ATP8A1: variants seen among roughly 807,000 people sequenced by gnomAD.
ATP8A1 encodes the protein phospholipid-transporting ATPase IA.
In ATP8A1, 90 loss-of-function variants were observed where a neutral mutation model predicts 177.7. The ratio of observed to expected loss-of-function variants is 0.51; its 90% CI spans 0.43 to 0.60. The LOEUF is 0.60. ATP8A1 is among the 20% of genes least tolerant of loss of function. ATP8A1 has a pLI of 0.00. For missense variants in ATP8A1, 1,072 were observed against 1,392.8 expected, an observed-to-expected ratio of 0.77 and a Z score of 3.67; for synonymous variants, 493 against 485.9, an observed-to-expected ratio of 1.01 and a Z score of -0.19.
At chr4:42,427,367 A>C (rs1006850994) in intron 33 of ATP8A1, among the ~76,000 whole-genome samples, 1 of 152,250 alleles carries the variant, frequency 6.6e-6, no homozygotes, top group African/African-American at 2.4e-5. Context: ...AGACCTGGAA[A>C]GGTATTCATA....
At chr4:42,606,719 T>C (rs185712846) in intron 5 of ATP8A1, among the ~76,000 whole-genome samples, 7 of 152,248 alleles carry the variant, frequency 4.6e-5, no homozygotes, top group Admixed American at 3.9e-4. Flanking sequence ...ATTCTCCCCC[T>C]GGTGCAAATT....
chr4:42,525,932 T>G (rs115074645), intron 20 of ATP8A1, among the ~76,000 whole-genome samples: 1,530 of 152,132 alleles, frequency 0.01, 24 homozygotes, highest in African/African-American at 0.035. Context: ...GAATGGGAAG[T>G]GGGGGGCAAA....
intron 35 of ATP8A1, among the ~76,000 whole-genome samples, chr4:42,421,760 A>G (rs1450643652): frequency 1.3e-5 from 2 of 152,154 alleles, no homozygotes; most frequent in Non-Finnish European, 2.9e-5. Flanking sequence ...CTAGGGTAAA[A>G]TATTTCCTAT....
chr4:42,519,376 G>A lies in ATP8A1; in HGVS notation c.1947+2784C>T, dbSNP rs1004348618. ...CCCAAAATACTGGGATTACAGGTGT[G>A]AGCCATCACATCTGTTCTATTTTGT... On this transcript the variant is annotated intron_variant, in intron 22 of 36. Coordinates refer to ENST00000381668, the MANE Select transcript of ATP8A1 (RefSeq NM_006095.2). Among the ~76,000 whole-genome samples the A allele has an allele frequency of 5.3e-5, 8 of 152,302 alleles. No homozygotes were observed. The East Asian group carries it at 1.3e-3, about 26-fold the overall frequency.
intron 6 of ATP8A1, chr4:42,594,293 A>G (rs765569929): frequency 6.3e-7 from 1 of 1,589,210 alleles, no homozygotes; most frequent in Non-Finnish European, 8.6e-7. Flanking sequence ...CTCTACCTTG[A>G]TGAGAGAAGT....
chr4:42,493,187 T>C (rs911633181), intron 24 of ATP8A1, among the ~76,000 whole-genome samples: 2 of 152,118 alleles, frequency 1.3e-5, no homozygotes, highest in Non-Finnish European at 2.9e-5. Context: ...CTGATAACAT[T>C]TGAAAATAAA....
At chr4:42,435,459 A>AAAC (rs1553871717) in intron 33 of ATP8A1, among the ~76,000 whole-genome samples, 1 of 103,282 alleles carries the variant, frequency 9.7e-6, no homozygotes. Context: ...ACAAAAAAAA[A>AAAC]AAAACAAACT....
chr4:42,589,547 G>A (rs1002254237), intron 7 of ATP8A1, among the ~76,000 whole-genome samples: 1 of 152,032 alleles, frequency 6.6e-6, no homozygotes, highest in Non-Finnish European at 1.5e-5. Context: ...AGCTCTGCAG[G>A]TTCTTCAATT....
At chr4:42,465,775 G>A (rs1232296994) in intron 25 of ATP8A1, among the ~76,000 whole-genome samples, 2 of 152,148 alleles carry the variant, frequency 1.3e-5, no homozygotes, top group African/African-American at 4.8e-5. Flanking sequence ...GCTCATGCCT[G>A]TAATCCCAGC....
Position 42,594,341 on chromosome 4 carries a change from T to C in ATP8A1, c.451-3457A>G, listed in dbSNP as rs767740045. The C allele has an allele frequency of 3.1e-6, 5 of 1,597,182 alleles. 1 individual carries two copies. The South Asian group carries it at 5.5e-5, about 18-fold the overall frequency. On this transcript the variant is annotated intron_variant, in intron 6 of 36. Coordinates refer to ENST00000381668, the MANE Select transcript of ATP8A1 (RefSeq NM_006095.2). ...GGTATATACTCTTTGCCTTTTATTA[T>C]AACTATATCTCCAACATTTACCTGA...
At chr4:42,562,855 C>T (rs553742384) in intron 15 of ATP8A1, among the ~76,000 whole-genome samples, 12 of 152,354 alleles carry the variant, frequency 7.9e-5, no homozygotes, top group South Asian at 4.1e-4. Context: ...CTCTTCCTTG[C>T]TTTCTGCCAT....
chr4:42,416,963 C>A (rs1177415033), intron 35 of ATP8A1, among the ~76,000 whole-genome samples: 1 of 152,154 alleles, frequency 6.6e-6, no homozygotes, highest in African/African-American at 2.4e-5. Context: ...TGTGTTGCTG[C>A]ACATGGGTTT....
rs370024963 is a variant in ATP8A1 at position 42,419,800 on chromosome 4, G to A, written c.3305+3007C>T. On this transcript the variant is annotated intron_variant, in intron 35 of 36. Coordinates refer to ENST00000381668, the MANE Select transcript of ATP8A1 (RefSeq NM_006095.2). ...GGGTGGATCACGAGGTCAGGAGTTCGAGACCAGTCTGGCCAACATAGTGAA... is the reference window on the plus strand; with the variant it reads ...GGGTGGATCACGAGGTCAGGAGTTCAAGACCAGTCTGGCCAACATAGTGAA... Among the ~76,000 whole-genome samples, 635 of 152,182 alleles carry A rather than the reference G, an allele frequency of 4.2e-3. 3 individuals are homozygous for A. The highest frequency in any genetic ancestry group is 0.012 in the East Asian group (62 of 5,166).
intron 20 of ATP8A1, among the ~76,000 whole-genome samples, chr4:42,532,512 A>T (rs756819141): frequency 6.6e-6 from 1 of 152,102 alleles, no homozygotes; most frequent in Non-Finnish European, 1.5e-5. Context: ...AGGTGACACA[A>T]AAAAAATAGA....
At chr4:42,607,760 T>C (rs1048209035) in intron 5 of ATP8A1, among the ~76,000 whole-genome samples, 1 of 152,168 alleles carries the variant, frequency 6.6e-6, no homozygotes, top group Non-Finnish European at 1.5e-5. Flanking sequence ...GTAACTGGAT[T>C]AGATTTCAAC....
At chr4:42,512,062 G>A (rs1025326312) in intron 22 of ATP8A1, among the ~76,000 whole-genome samples, 7 of 152,096 alleles carry the variant, frequency 4.6e-5, no homozygotes, top group Non-Finnish European at 7.3e-5. Context: ...AGCATTTCAC[G>A]GATAGAAAAA....
intron 1 of ATP8A1, among the ~76,000 whole-genome samples, chr4:42,648,154 A>G (rs1740727917): frequency 6.6e-6 from 1 of 152,224 alleles, no homozygotes; most frequent in South Asian, 2.1e-4. Context: ...CAATTCCAAT[A>G]AATATTCCAA....
chr4:42,431,009 G>A (rs1035077003), intron 33 of ATP8A1, among the ~76,000 whole-genome samples: 1 of 152,000 alleles, frequency 6.6e-6, no homozygotes, highest in Non-Finnish European at 1.5e-5. Context: ...CCAGCCTGCT[G>A]TATAATAGAC....
chr4:42,615,996 T>G (rs1348071243), intron 5 of ATP8A1, 37 bp downstream of exon 5: 6 of 1,573,464 alleles, frequency 3.8e-6, no homozygotes, highest in Non-Finnish European at 5.2e-6. Flanking sequence ...ACAAGTAGGT[T>G]TGACAAATAT....
Sources: allele counts gnomAD v4.1 joint callset (sites outside exome capture counted in the v4.1 genomes callset), GRCh38; gene constraint gnomAD v4.1.1; transcripts MANE v1.5; gene names NCBI Gene and HGNC (gene_info 2026-07-23, HGNC 2026-07-21).